Variants in CDH10 observed in about 807,000 individuals in gnomAD.
CDH10 encodes cadherin 10.
A neutral mutation model predicts 73.1 loss-of-function variants in CDH10; 30 were observed. The ratio of observed to expected loss-of-function variants is 0.41; its 90% CI spans 0.31 to 0.56. CDH10 has a LOEUF of 0.56. Among genes scored for constraint, CDH10 ranks in the 20% least tolerant of loss-of-function variants. CDH10 has a pLI of 0.27. For missense variants in CDH10, 815 were observed against 973.7 expected, an observed-to-expected ratio of 0.84 and a Z score of 2.17; for synonymous variants, 345 against 348.2, an observed-to-expected ratio of 0.99 and a Z score of 0.10.
intron 2 of CDH10, among the ~76,000 whole-genome samples, chr5:24,563,042 C>T (rs975928035): frequency 2.6e-5 from 4 of 152,064 alleles, no homozygotes; most frequent in African/African-American, 9.7e-5. Flanking sequence ...ATCCAATTAC[C>T]ATATTCCATT....
chr5:24,505,009 TA>T, intron 8 of CDH10, 102 bp downstream of exon 8: 1 of 828,914 alleles, frequency 1.2e-6, no homozygotes, highest in Non-Finnish European at 1.8e-6. Flanking sequence ...GAGAATGAAT[TA>T]TTTTTAATGT....
intron 7 of CDH10, among the ~76,000 whole-genome samples, chr5:24,505,713 T>C (rs374843341): frequency 1.3e-5 from 2 of 152,312 alleles, no homozygotes; most frequent in East Asian, 1.9e-4. Flanking sequence ...TATCAACTTA[T>C]TATGGTGTTT....
intron 2 of CDH10, among the ~76,000 whole-genome samples, chr5:24,575,372 A>T (rs1745564592): frequency 6.7e-6 from 1 of 149,734 alleles, no homozygotes; most frequent in Non-Finnish European, 1.5e-5. Context: ...AAAAAAAAAA[A>T]AGGAAAAAAA....
chr5:24,537,996 G>GCA (rs1473707828), intron 2 of CDH10, among the ~76,000 whole-genome samples: 19 of 151,974 alleles, frequency 1.3e-4, no homozygotes, highest in Non-Finnish European at 2.4e-4. Context: ...AGTCTTGATA[G>GCA]GTGGGTGTAA....
At chr5:24,517,246 G>C (rs1044046557) in intron 5 of CDH10, among the ~76,000 whole-genome samples, 2 of 152,054 alleles carry the variant, frequency 1.3e-5, no homozygotes, top group Admixed American at 6.6e-5. Context: ...GCACATTTTT[G>C]TTTAATCATT....
intron 1 of CDH10, among the ~76,000 whole-genome samples, chr5:24,621,183 G>C (rs1747305095): frequency 6.6e-6 from 1 of 152,108 alleles, no homozygotes; most frequent in Admixed American, 6.5e-5. Flanking sequence ...CTCACCTACA[G>C]TGCCAATGAG....
chr5:24,586,160 T>C (rs1349719168), intron 2 of CDH10, among the ~76,000 whole-genome samples: 1 of 152,166 alleles, frequency 6.6e-6, no homozygotes, highest in Non-Finnish European at 1.5e-5. Context: ...ATAATATACC[T>C]CTAATCTTGG....
At chr5:24,642,588 G>A (rs369647623) in intron 1 of CDH10, among the ~76,000 whole-genome samples, 1 of 151,994 alleles carries the variant, frequency 6.6e-6, no homozygotes, top group East Asian at 1.9e-4. Flanking sequence ...AAATCCCAGT[G>A]TGGGTAAAAA....
intron 11 of CDH10, among the ~76,000 whole-genome samples, chr5:24,489,963 T>C (rs1420084851): frequency 6.6e-6 from 1 of 152,060 alleles, no homozygotes; most frequent in Non-Finnish European, 1.5e-5. Context: ...GACCTTGGAA[T>C]ATGTTCTGAA....
At chr5:24,584,874 T>C (rs1456853304) in intron 2 of CDH10, among the ~76,000 whole-genome samples, 1 of 150,276 alleles carries the variant, frequency 6.7e-6, no homozygotes, top group African/African-American at 2.5e-5. Flanking sequence ...TGATACAAGG[T>C]CTCACTCTGT....
At chr5:24,574,283 AC>A (rs1247411542) in intron 2 of CDH10, among the ~76,000 whole-genome samples, 3 of 152,098 alleles carry the variant, frequency 2.0e-5, no homozygotes, top group African/African-American at 7.2e-5. Context: ...CAAATATGTC[AC>A]TTTTTTCAAA....
In CDH10 at chr5:24,487,677, C is replaced by A. The variant is rs781299917; in HGVS notation, c.2353G>T (p.Asp785Tyr). The change falls in exon 12 of 12, where the codon GAC becomes TAC. Residue 785 changes from aspartate to tyrosine, a missense_variant. Coordinates refer to ENST00000264463, the MANE Select transcript of CDH10 (RefSeq NM_006727.5). ...TATATCCTACGTTAAGAGTCTTTGT[C>A]ACTTTCCCCACCACCATACATTTCT... ...LAEMYGGGES[D>Y]KDS 6.2e-7 allele frequency: 1 copy of A among 1,611,580 alleles called. No homozygotes were observed. Among genetic ancestry groups the A allele is most frequent in the Non-Finnish European group, 8.5e-7 (1 of 1,178,582 alleles).
chr5:24,570,514 CACTGCCCA>C (rs1745337512), intron 2 of CDH10, among the ~76,000 whole-genome samples: 2 of 152,062 alleles, frequency 1.3e-5, no homozygotes, highest in South Asian at 2.1e-4. Context: ...GAGATTGCAT[CACTGCCCA>C]ACTGTTGACG....
chr5:24,637,962 C>T (rs1005315956), intron 1 of CDH10, among the ~76,000 whole-genome samples: 2 of 151,714 alleles, frequency 1.3e-5, no homozygotes, highest in African/African-American at 4.8e-5. Flanking sequence ...CTAGCCTCTA[C>T]TTATAAAGCA....
In CDH10 at chr5:24,487,635, C is replaced by G. The variant is rs2111597214; in HGVS notation, c.*28G>C. On this transcript the variant is annotated 3_prime_UTR_variant, in exon 12 of 12. Transcript: ENST00000264463. ...GACAGCATGGGTAGAGTTACTTTCTCTTGTTTGAACAGAACATATATCCTA... is the reference window on the plus strand; with the variant it reads ...GACAGCATGGGTAGAGTTACTTTCTGTTGTTTGAACAGAACATATATCCTA... 6.4e-7 allele frequency: 1 copy of G among 1,568,070 alleles called. No homozygotes were observed. The highest frequency in any genetic ancestry group is 2.3e-5 in the East Asian group (1 of 44,380).
intron 2 of CDH10, among the ~76,000 whole-genome samples, chr5:24,559,657 T>C (rs961931763): frequency 6.6e-6 from 1 of 152,030 alleles, no homozygotes; most frequent in South Asian, 2.1e-4. Context: ...CTGATGAGTC[T>C]GCATGATAAT....
At chr5:24,506,418 G>A (rs980574531) in intron 7 of CDH10, among the ~76,000 whole-genome samples, 3 of 151,988 alleles carry the variant, frequency 2.0e-5, no homozygotes, top group Admixed American at 6.6e-5. Context: ...TTTTATTACC[G>A]AAAGATCTAA....
At chr5:24,511,777 A>C (rs1193853027) in intron 5 of CDH10, among the ~76,000 whole-genome samples, 3 of 152,184 alleles carry the variant, frequency 2.0e-5, no homozygotes, top group Admixed American at 6.5e-5. Context: ...AGTAGGACAA[A>C]TTCTGGTTTA....
intron 2 of CDH10, among the ~76,000 whole-genome samples, chr5:24,549,696 C>T (rs1054454809): frequency 4.0e-5 from 6 of 151,702 alleles, no homozygotes; most frequent in Admixed American, 3.3e-4. Flanking sequence ...GGATTATAGG[C>T]GCCTGCCACA....
Sources: allele counts gnomAD v4.1 joint callset (sites outside exome capture counted in the v4.1 genomes callset), GRCh38; gene constraint gnomAD v4.1.1; transcripts MANE v1.5; gene names NCBI Gene and HGNC (gene_info 2026-07-23, HGNC 2026-07-21).